The following NEGR1 variants were observed in gnomAD, a reference collection of about 807,000 sequenced individuals.
NEGR1 encodes IgLON family member 4.
In NEGR1, 10 loss-of-function variants were observed where a neutral mutation model predicts 40.9. The observed-to-expected ratio is 0.24, with a 90% CI of 0.15 to 0.42. The LOEUF is 0.42. Among genes scored for constraint, NEGR1 ranks in the 10% least tolerant of loss-of-function variants. The pLI, the probability that NEGR1 is intolerant of heterozygous loss-of-function variation, is 1.00. For missense variants in NEGR1, 352 were observed against 438.9 expected (o/e 0.80, Z 1.77); for synonymous variants, 185 against 166.8 (o/e 1.11, Z -0.84).
chr1:71,885,906 A>G (rs1174402286), intron 2 of NEGR1, among the ~76,000 whole-genome samples: 1 of 152,204 alleles, frequency 6.6e-6, no homozygotes, highest in Non-Finnish European at 1.5e-5. Context: ...TCCCAAAAAT[A>G]TCTTTATACT....
At chr1:72,010,612 C>A (rs1244603543) in intron 1 of NEGR1, among the ~76,000 whole-genome samples, 2 of 151,868 alleles carry the variant, frequency 1.3e-5, no homozygotes, top group African/African-American at 4.8e-5. Flanking sequence ...TCCCTCCCCC[C>A]AACCCCTTTC....
At position 72,242,678 on chromosome 1, in the gene NEGR1, G is replaced by A. The variant is rs531917612; in HGVS notation, c.176+39641C>T. Among the ~76,000 whole-genome samples the A allele has an allele frequency of 3.3e-5, 5 of 151,776 alleles. No homozygotes were observed. In the South Asian group the frequency reaches 1.0e-3, roughly 31 times the overall value. The stretch of plus-strand genomic sequence containing the variant: ...ACATTTATCAGGCACTTATGTGCCA[G>A]AGACTTAGTTCTTTACATGTGTTCT... On this transcript the variant is annotated intron_variant, in intron 1 of 6. Transcript: ENST00000357731.
At chr1:72,220,308 T>G (rs540562821) in intron 1 of NEGR1, among the ~76,000 whole-genome samples, 67 of 152,126 alleles carry the variant, frequency 4.4e-4, no homozygotes, top group Middle Eastern at 3.4e-3. Flanking sequence ...CAGGGATATC[T>G]CTCAGAATCC....
Position 72,206,717 on chromosome 1 carries a change from C to T in NEGR1, c.176+75602G>A, listed in dbSNP as rs1448476650. 4.6e-5 allele frequency among the ~76,000 whole-genome samples: 7 copies of T among 152,034 alleles called. No individual in the cohort carries two copies. The South Asian group carries it at 1.2e-3, about 27-fold the overall frequency. On this transcript the variant is annotated intron_variant, in intron 1 of 6. Coordinates refer to ENST00000357731, the MANE Select transcript of NEGR1 (RefSeq NM_173808.3). The stretch of plus-strand genomic sequence containing the variant: ...CCTCAAGTTGCATTTCATTTTCACC[C>T]ATGAAAGACTATGGCTAGAGATGTA...
intron 6 of NEGR1, among the ~76,000 whole-genome samples, chr1:71,425,276 T>C (rs1646421703): frequency 6.6e-6 from 1 of 152,190 alleles, no homozygotes; most frequent in East Asian, 1.9e-4. Context: ...GCCGAATCTC[T>C]CTTATGATTC....
intron 6 of NEGR1, among the ~76,000 whole-genome samples, chr1:71,567,665 G>A (rs1469178307): frequency 6.6e-6 from 1 of 151,624 alleles, no homozygotes; most frequent in Non-Finnish European, 1.5e-5. Flanking sequence ...TTTCTGTATT[G>A]TTCAGCTCAC....
At chr1:71,965,676 T>C (rs1379863798) in intron 1 of NEGR1, among the ~76,000 whole-genome samples, 4 of 152,318 alleles carry the variant, frequency 2.6e-5, no homozygotes, top group African/African-American at 9.6e-5. Flanking sequence ...TAGAATGTAA[T>C]TGTTCACTTG....
intron 6 of NEGR1, among the ~76,000 whole-genome samples, chr1:71,509,481 A>G (rs1445567529): frequency 6.6e-6 from 1 of 152,224 alleles, no homozygotes; most frequent in Non-Finnish European, 1.5e-5. Flanking sequence ...TCAGCTCTCC[A>G]TATACCCTGG....
At chr1:71,995,602 T>C (rs1646497631) in intron 1 of NEGR1, among the ~76,000 whole-genome samples, 1 of 152,168 alleles carries the variant, frequency 6.6e-6, no homozygotes, top group African/African-American at 2.4e-5. Flanking sequence ...GAAGTATCAC[T>C]ACAATAATTT....
intron 1 of NEGR1, among the ~76,000 whole-genome samples, chr1:72,257,723 C>T (rs1319113840): frequency 6.6e-6 from 1 of 152,116 alleles, no homozygotes; most frequent in Non-Finnish European, 1.5e-5. Context: ...ATTTTATCTT[C>T]CCAGTCCTGA....
chr1:71,568,661 T>C (rs888897087), intron 6 of NEGR1, among the ~76,000 whole-genome samples: 2 of 152,068 alleles, frequency 1.3e-5, no homozygotes, highest in African/African-American at 4.8e-5. Flanking sequence ...TACACATATA[T>C]ACATCTATAT....
chr1:71,958,869 C>T (rs1206992436), intron 1 of NEGR1, among the ~76,000 whole-genome samples: 1 of 150,986 alleles, frequency 6.6e-6, no homozygotes, highest in African/African-American at 2.4e-5. Context: ...GCAGGAGAAT[C>T]GCTTGAACCT....
chr1:71,912,682 T>C (rs190516943), intron 2 of NEGR1, among the ~76,000 whole-genome samples: 1 of 152,280 alleles, frequency 6.6e-6, no homozygotes, highest in Admixed American at 6.5e-5. Flanking sequence ...TTTGGAACTT[T>C]TACTCCAAAG....
intron 3 of NEGR1, among the ~76,000 whole-genome samples, chr1:71,705,727 G>GAAAGA (rs982429619): frequency 2.2e-5 from 3 of 134,900 alleles, no homozygotes; most frequent in African/African-American, 8.2e-5. Flanking sequence ...AAAAAGAAAA[G>GAAAGA]AAAGAAAAGA....
chr1:71,418,658 TAACTTAAGAAGAAATG>T (rs1254718559), intron 6 of NEGR1, among the ~76,000 whole-genome samples: 1 of 152,104 alleles, frequency 6.6e-6, no homozygotes, highest in Non-Finnish European at 1.5e-5. Flanking sequence ...AGAAATGTAA[TAACTTAAGAAGAAATG>T]TAATAACTTA....
chr1:72,266,930 A>G (rs1211905437), intron 1 of NEGR1, among the ~76,000 whole-genome samples: 1 of 151,088 alleles, frequency 6.6e-6, no homozygotes, highest in Non-Finnish European at 1.5e-5. Context: ...AGAATAATTA[A>G]TAAGTCCCTA....
intron 4 of NEGR1, among the ~76,000 whole-genome samples, chr1:71,646,847 A>G (rs952381794): frequency 2.0e-5 from 3 of 151,868 alleles, no homozygotes; most frequent in African/African-American, 7.2e-5. Context: ...AGGACAACTC[A>G]TACACAATTG....
chr1:71,424,302 T>C (rs537718851), intron 6 of NEGR1, among the ~76,000 whole-genome samples: 2 of 152,344 alleles, frequency 1.3e-5, no homozygotes, highest in Non-Finnish European at 2.9e-5. Context: ...ATATCTGACT[T>C]ACAAAATTAT....
chr1:71,462,600 A>G (rs1646721397), intron 6 of NEGR1, among the ~76,000 whole-genome samples: 2 of 152,236 alleles, frequency 1.3e-5, no homozygotes, highest in East Asian at 1.9e-4. Flanking sequence ...ACTAAAAGCC[A>G]GTGATTACAC....
Sources: gnomAD v4.1 joint callset for allele counts (sites outside exome capture counted in the v4.1 genomes callset) on GRCh38, gnomAD v4.1.1 for gene constraint, MANE v1.5 for transcripts, NCBI Gene and HGNC (gene_info 2026-07-23, HGNC 2026-07-21) for gene names.